The following BCL11B variants were observed in gnomAD, a reference collection of about 807,000 sequenced individuals.
BCL11B encodes BCL11 transcription factor B, also known as B-cell lymphoma/leukemia 11B.
BCL11B carries 8 observed loss-of-function variants against 49.9 expected under a neutral mutation model. That is an observed-to-expected ratio of 0.16 (90% CI 0.09 to 0.29). The LOEUF (loss-of-function observed/expected upper bound fraction) is 0.29, where lower values mean the gene tolerates loss of function less well. Ranked by LOEUF, BCL11B falls within the 10% of genes least tolerant of loss-of-function variation. The probability of loss-of-function intolerance (pLI) is 1.00; values close to 1 mark genes in which losing one functional copy is unlikely to be tolerated. For synonymous variants in BCL11B, 739 were observed against 637.4 expected, an observed-to-expected ratio of 1.16 and a Z score of -2.40; for missense variants, 1,006 against 1,351.0, an observed-to-expected ratio of 0.74 and a Z score of 4.00.
rs1033985941 is a variant in BCL11B, at chr14:99,205,158, T to TA, written c.640+26186dup. On this transcript the variant is annotated intron_variant, in intron 3 of 3. Transcript: ENST00000357195. The surrounding 1 kb of genome is among the most constrained non-coding windows in gnomAD (Gnocchi z 5.0). ...TTTCACAACAGTAGGAAGAGGGAAT[T>TA]AAAAAAAAAACAGGCCCTTGAACGA... 7.4e-4 allele frequency among the ~76,000 whole-genome samples: 109 copies of TA among 148,070 alleles called. 1 individual carries two copies. Among genetic ancestry groups the TA allele is most frequent in the South Asian group, 1.7e-3 (8 of 4,640 alleles).
chr14:99,235,822 G>T (rs1489775127), intron 2 of BCL11B, among the ~76,000 whole-genome samples: 1 of 151,908 alleles, frequency 6.6e-6, no homozygotes, highest in Non-Finnish European at 1.5e-5. Flanking sequence ...ATTTATTCTT[G>T]CATTGTTGAT....
chr14:99,260,188 A>C (rs1292065898), intron 1 of BCL11B, among the ~76,000 whole-genome samples: 1 of 152,182 alleles, frequency 6.6e-6, no homozygotes. Flanking sequence ...AAAAGGACAT[A>C]ATGAAATTGA....
At chr14:99,185,368 C>T (rs755776119) in intron 3 of BCL11B, among the ~76,000 whole-genome samples, 8 of 150,280 alleles carry the variant, frequency 5.3e-5, no homozygotes, top group African/African-American at 1.5e-4. Context: ...ACCCAGGAGG[C>T]GGAGGTTGCG....
chr14:99,200,822 G>T (rs1046224865), intron 3 of BCL11B, among the ~76,000 whole-genome samples: 1 of 152,174 alleles, frequency 6.6e-6, no homozygotes, highest in East Asian at 1.9e-4. Context: ...GGCTCACCTC[G>T]GGGCCTGGAG....
rs577410553 is a variant in BCL11B, at chr14:99,231,682, G to A, written c.428-125C>T. 74 of 1,003,670 alleles carry A rather than the reference G, an allele frequency of 7.4e-5. No homozygotes were observed. The African/African-American group carries it at 1.1e-3, about 15-fold the overall frequency. 62.2% of individuals were successfully genotyped at this position (1,003,670 alleles called of 1,614,324 possible). On this transcript the variant is annotated intron_variant, in intron 2 of 3. Transcript: ENST00000357195. The surrounding 1 kb of genome is among the most constrained non-coding windows in gnomAD (Gnocchi z 8.1). ...CACCCTTCGGGGGTGGGAGGCCCCC[G>A]GGGTGCCAGGCCCTGCAGGGAAGGC...
At chr14:99,216,909 T>C (rs11160504) in intron 3 of BCL11B, among the ~76,000 whole-genome samples, 48,956 of 151,696 alleles carry the variant, frequency 0.32, 9,258 homozygotes, top group Non-Finnish European at 0.44. Context: ...CTCAGACATA[T>C]ACATATGTAC....
At chr14:99,225,936 C>T (rs1310725161) in intron 3 of BCL11B, among the ~76,000 whole-genome samples, 1 of 152,234 alleles carries the variant, frequency 6.6e-6, no homozygotes, top group Non-Finnish European at 1.5e-5. Flanking sequence ...TCCATGGCTT[C>T]TCCTGGCACT....
intron 1 of BCL11B, among the ~76,000 whole-genome samples, chr14:99,261,291 C>A (rs1889331366): frequency 6.6e-6 from 1 of 152,216 alleles, no homozygotes. Flanking sequence ...AGGCAGATAC[C>A]AAGCTAGGCG....
intron 3 of BCL11B, among the ~76,000 whole-genome samples, chr14:99,217,874 C>T (rs1291659220): frequency 6.6e-6 from 1 of 152,090 alleles, no homozygotes; most frequent in Non-Finnish European, 1.5e-5. Flanking sequence ...CAGTGGGCTC[C>T]GAACTCCACT....
At chr14:99,224,279 T>C (rs1163505364) in intron 3 of BCL11B, among the ~76,000 whole-genome samples, 1 of 152,160 alleles carries the variant, frequency 6.6e-6, no homozygotes, top group Non-Finnish European at 1.5e-5. Flanking sequence ...TCTGTCCAAG[T>C]TCTGCTATTT....
intron 3 of BCL11B, among the ~76,000 whole-genome samples, chr14:99,209,335 C>T (rs1375038005): frequency 3.3e-5 from 5 of 152,272 alleles, no homozygotes; most frequent in Non-Finnish European, 5.9e-5. Context: ...TGAAAACACT[C>T]GGCCTCCACT....
At position 99,232,901 on chromosome 14, in the gene BCL11B, T is replaced by C. The variant is rs566640323; in HGVS notation, c.428-1344A>G. ...TTTAAGAAGACCCCCTGCTTAGGGA[T>C]TGCAAGCTGTCAGTGTCCTGTCAAG... On this transcript the variant is annotated intron_variant, in intron 2 of 3. Transcript: ENST00000357195. This position sits in a 1 kb window ranked among gnomAD's most constrained non-coding sequence, Gnocchi z 5.1. Among the ~76,000 whole-genome samples, 19 of 152,100 alleles carry C rather than the reference T, an allele frequency of 1.2e-4. No homozygotes were observed. The highest frequency in any genetic ancestry group is 2.8e-4 in the Non-Finnish European group (19 of 68,002).
intron 1 of BCL11B, chr14:99,263,023 A>C (rs1889382118): frequency 6.6e-6 from 1 of 152,036 alleles, no homozygotes; most frequent in Non-Finnish European, 1.5e-5. Flanking sequence ...GATAAGAGGG[A>C]GGCTGGTGTC....
At position 99,195,164 on chromosome 14, in the gene BCL11B, T is replaced by C. The variant is rs1469908551; in HGVS notation, c.641-18969A>G. On this transcript the variant is annotated intron_variant, in intron 3 of 3. Transcript: ENST00000357195. This position sits in a 1 kb window ranked among gnomAD's most constrained non-coding sequence, Gnocchi z 4.7. ...GATGATCAGGGGACTGAAAAGTACC[T>C]AAAGCAAGCCAAGATGCGTTCTCAG... is the stretch of plus-strand genomic sequence containing the variant. 1.3e-5 allele frequency among the ~76,000 whole-genome samples: 2 copies of C among 152,148 alleles called. No homozygotes were observed. Among genetic ancestry groups the C allele is most frequent in the African/African-American group, 4.8e-5 (2 of 41,416 alleles).
intron 3 of BCL11B, among the ~76,000 whole-genome samples, chr14:99,187,349 G>A (rs1426326964): frequency 1.3e-5 from 2 of 152,170 alleles, no homozygotes; most frequent in Non-Finnish European, 2.9e-5. Flanking sequence ...GTTGTCTTTA[G>A]AGGTCCCGCC....
At chr14:99,266,337 G>A (rs1376147503) in intron 1 of BCL11B, among the ~76,000 whole-genome samples, 1 of 152,140 alleles carries the variant, frequency 6.6e-6, no homozygotes, top group Non-Finnish European at 1.5e-5. Context: ...ACAGAAATGA[G>A]CAGTACGCCT....
intron 3 of BCL11B, among the ~76,000 whole-genome samples, chr14:99,211,625 G>GCA (rs1437110556): frequency 6.6e-6 from 1 of 152,092 alleles, no homozygotes; most frequent in Non-Finnish European, 1.5e-5. Context: ...AAACACACGT[G>GCA]CACACACACC....
At chr14:99,267,576 A>C (rs910116787) in intron 1 of BCL11B, among the ~76,000 whole-genome samples, 5 of 151,640 alleles carry the variant, frequency 3.3e-5, no homozygotes, top group African/African-American at 1.2e-4. Context: ...AAAAAAAAAA[A>C]AAGAGGGCTA....
chr14:99,206,298 G>A (rs1173208059), intron 3 of BCL11B, among the ~76,000 whole-genome samples: 1 of 152,182 alleles, frequency 6.6e-6, no homozygotes, highest in Non-Finnish European at 1.5e-5. Context: ...ATAGTCCACG[G>A]GTACTCTTGC....
Sources: gnomAD v4.1 joint callset for allele counts (sites outside exome capture counted in the v4.1 genomes callset) on GRCh38, gnomAD v4.1.1 for gene constraint, Gnocchi (gnomAD v3.1) non-coding constraint, MANE v1.5 for transcripts, NCBI Gene and HGNC (gene_info 2026-07-23, HGNC 2026-07-21) for gene names.